Variants in MIPEP observed in about 807,000 individuals in gnomAD.
The protein encoded by MIPEP is mitochondrial intermediate peptidase.
MIPEP carries 79 observed loss-of-function variants against 90.3 expected under a neutral mutation model. The ratio of observed to expected loss-of-function variants is 0.87; its 90% CI spans 0.73 to 1.05. The LOEUF (loss-of-function observed/expected upper bound fraction) is 1.05, where lower values mean the gene tolerates loss of function less well. Ranked by LOEUF, MIPEP falls within the 50% of genes least tolerant of loss-of-function variation. The pLI, the probability that MIPEP is intolerant of heterozygous loss-of-function variation, is 0.00. For missense variants in MIPEP, 940 were observed against 905.6 expected (o/e 1.04, Z -0.49); for synonymous variants, 334 against 315.8 (o/e 1.06, Z -0.61).
chr13:23,882,811 A>C (rs1465330938), intron 2 of MIPEP, among the ~76,000 whole-genome samples: 1 of 152,216 alleles, frequency 6.6e-6, no homozygotes, highest in African/African-American at 2.4e-5. Flanking sequence ...CGATAAAATA[A>C]CATTAGTACC....
At chr13:23,869,803 A>C (rs1011574222) in intron 6 of MIPEP, among the ~76,000 whole-genome samples, 1 of 152,234 alleles carries the variant, frequency 6.6e-6, no homozygotes, top group Non-Finnish European at 1.5e-5. Context: ...TACTTTAAAA[A>C]TAAGGAGTCT....
chr13:23,779,242 T>C (rs1400703368), intron 16 of MIPEP, among the ~76,000 whole-genome samples: 1 of 152,184 alleles, frequency 6.6e-6, no homozygotes, highest in East Asian at 1.9e-4. Flanking sequence ...GCAGCAAAAA[T>C]GTTATTTACA....
chr13:23,770,291 C>T (rs934316747), intron 16 of MIPEP, among the ~76,000 whole-genome samples: 5 of 152,174 alleles, frequency 3.3e-5, no homozygotes, highest in African/African-American at 7.2e-5. Context: ...TCCAGGTAAG[C>T]TCCTGATCCT....
At chr13:23,783,107 G>C (rs1033402231) in intron 16 of MIPEP, among the ~76,000 whole-genome samples, 1 of 152,134 alleles carries the variant, frequency 6.6e-6, no homozygotes, top group Non-Finnish European at 1.5e-5. Context: ...CTCATTTTAT[G>C]AGGCCAGCAT....
intron 14 of MIPEP, among the ~76,000 whole-genome samples, chr13:23,815,791 T>A (rs1953226995): frequency 6.6e-6 from 1 of 152,232 alleles, no homozygotes; most frequent in Non-Finnish European, 1.5e-5. Context: ...ATCTTCGATA[T>A]TTCAATATCT....
At chr13:23,801,593 T>A (rs1953042076) in intron 16 of MIPEP, among the ~76,000 whole-genome samples, 1 of 152,252 alleles carries the variant, frequency 6.6e-6, no homozygotes, top group South Asian at 2.1e-4. Context: ...ATTCTGTGCT[T>A]ATAATTCCCT....
At chr13:23,805,330 C>T (rs1175813924) in intron 16 of MIPEP, among the ~76,000 whole-genome samples, 1 of 152,126 alleles carries the variant, frequency 6.6e-6, no homozygotes, top group African/African-American at 2.4e-5. Context: ...ACTTAACTAC[C>T]TAGATGATCT....
intron 2 of MIPEP, among the ~76,000 whole-genome samples, chr13:23,884,437 G>A (rs1381623217): frequency 6.6e-6 from 1 of 152,152 alleles, no homozygotes; most frequent in East Asian, 1.9e-4. Flanking sequence ...TTCCAGGTAA[G>A]GATTCATGAG....
chr13:23,753,809 T>C (rs771159610), intron 18 of MIPEP, among the ~76,000 whole-genome samples: 1 of 152,210 alleles, frequency 6.6e-6, no homozygotes, highest in Non-Finnish European at 1.5e-5. Flanking sequence ...ATCTAAAAGT[T>C]TGCCTATGTA....
intron 14 of MIPEP, among the ~76,000 whole-genome samples, chr13:23,811,981 G>A (rs917204082): frequency 2.0e-5 from 3 of 152,054 alleles, no homozygotes; most frequent in Admixed American, 6.6e-5. Flanking sequence ...TGCTGTTCTC[G>A]GTGCATTAGC....
intron 16 of MIPEP, among the ~76,000 whole-genome samples, chr13:23,763,335 C>T (rs1952566453): frequency 6.6e-6 from 1 of 152,172 alleles, no homozygotes; most frequent in South Asian, 2.1e-4. Flanking sequence ...CAACAAGATA[C>T]GAGCACTTGT....
chr13:23,800,617 T>C (rs368382177), intron 16 of MIPEP, among the ~76,000 whole-genome samples: 4 of 152,228 alleles, frequency 2.6e-5, no homozygotes, highest in South Asian at 4.1e-4. Flanking sequence ...TGACTCAGCA[T>C]GCACACAAAT....
intron 14 of MIPEP, among the ~76,000 whole-genome samples, chr13:23,829,553 T>C (rs1253572903): frequency 1.3e-5 from 2 of 152,196 alleles, no homozygotes; most frequent in Non-Finnish European, 2.9e-5. Flanking sequence ...GATTATTATT[T>C]CAACTACCAA....
chr13:23,773,175 C>T (rs922001772), intron 16 of MIPEP, among the ~76,000 whole-genome samples: 8 of 152,214 alleles, frequency 5.3e-5, no homozygotes, highest in Non-Finnish European at 1.5e-5. Flanking sequence ...GATCTATTTT[C>T]TGTCTCTATG....
intron 15 of MIPEP, 75 bp from the exon 16 acceptor site, chr13:23,806,144 T>C: frequency 1.4e-6 from 2 of 1,471,106 alleles, no homozygotes; most frequent in East Asian, 2.3e-5. Context: ...AAAGATGCTA[T>C]AAGTGCACCA....
At chr13:23,820,679 C>A (rs530092915) in intron 14 of MIPEP, among the ~76,000 whole-genome samples, 1 of 152,228 alleles carries the variant, frequency 6.6e-6, no homozygotes, top group South Asian at 2.1e-4. Flanking sequence ...GCACCTGGCT[C>A]TGCCTCTCCC....
intron 14 of MIPEP, among the ~76,000 whole-genome samples, chr13:23,834,957 G>A (rs370650352): frequency 2.6e-5 from 4 of 151,460 alleles, no homozygotes; most frequent in Non-Finnish European, 4.4e-5. Flanking sequence ...ATCTGCCACC[G>A]TAATAACTGA....
Position 23,730,372 on chromosome 13 carries a change from T to A in MIPEP, c.2118A>T (p.Glu706Asp), listed in dbSNP as rs780318662. 2 of 1,612,114 alleles carry A rather than the reference T, an allele frequency of 1.2e-6. No homozygotes were observed. The highest frequency in any genetic ancestry group is 2.2e-5 in the South Asian group (2 of 90,872). The part of the protein sequence containing the change: ...ALVSDLDLDF[E>D]TFLMDSE ...TTTATTCAGAATCCATGAGGAAAGT[T>A]TCGAAGTCCAGATCCAAGTCGGAAA... The change falls in exon 19 of 19, where the codon GAA (glutamate) becomes GAT (aspartate). Residue 706 changes from glutamate (E) to aspartate (D), a missense_variant. By Grantham distance (45) the Glu-to-Asp change is conservative. Transcript: ENST00000382172.
rs781668591 is a variant in MIPEP at position 23,831,382 on chromosome 13, G to GCC, written c.1653+4857_1653+4858insGG. 4.4e-5 allele frequency among the ~76,000 whole-genome samples: 4 copies of GCC among 89,988 alleles called. 1 individual carries two copies. The highest frequency in any genetic ancestry group is 1.3e-4 in the Admixed American group (1 of 7,588). The allele number at this position is 89,988 out of a possible 152,430, so 59.0% of individuals were successfully genotyped here. The stretch of plus-strand genomic sequence containing the variant: ...TCGGGGACAGCCTAGCTTCCCCATG[G>GCC]CGGGGGGGGGATGTGGATGGGAATT... On this transcript the variant is annotated intron_variant, in intron 14 of 18. Coordinates refer to ENST00000382172, the MANE Select transcript of MIPEP (RefSeq NM_005932.4).
Sources: allele counts gnomAD v4.1 joint callset (sites outside exome capture counted in the v4.1 genomes callset), GRCh38; gene constraint gnomAD v4.1.1; transcripts MANE v1.5; gene names NCBI Gene and HGNC (gene_info 2026-07-23, HGNC 2026-07-21).